AGBL1: variants seen among roughly 807,000 people sequenced by gnomAD.
The protein encoded by AGBL1 is cytosolic carboxypeptidase 4.
Under a neutral mutation model 118.9 loss-of-function variants are expected in AGBL1, and 130 were observed. The observed-to-expected ratio is 1.09, with a 90% CI of 0.95 to 1.26. AGBL1 has a LOEUF of 1.26. AGBL1 is among the 50% of genes most tolerant of loss of function. AGBL1 has a pLI of 0.00. For missense variants in AGBL1, 1,584 were observed against 1,298.1 expected (o/e 1.22, Z -3.38); for synonymous variants, 555 against 478.9 (o/e 1.16, Z -2.08).
intron 22 of AGBL1, among the ~76,000 whole-genome samples, chr15:86,807,038 C>A (rs1250203575): frequency 6.6e-6 from 1 of 152,008 alleles, no homozygotes; most frequent in African/African-American, 2.4e-5. Context: ...GAGGAACATT[C>A]CAAATAATCT....
intron 22 of AGBL1, among the ~76,000 whole-genome samples, chr15:86,735,602 CTGTGTGTGTG>C (rs35147328): frequency 7.0e-5 from 10 of 141,914 alleles, no homozygotes; most frequent in African/African-American, 1.9e-4. Context: ...GAGATACAGA[CTGTGTGTGTG>C]TGTGTGTGTG....
chr15:86,464,811 GC>G (rs1276223868), intron 18 of AGBL1, among the ~76,000 whole-genome samples: 2 of 152,070 alleles, frequency 1.3e-5, no homozygotes, highest in Non-Finnish European at 2.9e-5. Flanking sequence ...TGATGGATAA[GC>G]TTTTTAACAT....
chr15:86,565,391 G>A (rs972506078), intron 21 of AGBL1, among the ~76,000 whole-genome samples: 21 of 152,338 alleles, frequency 1.4e-4, no homozygotes, highest in Admixed American at 3.9e-4. Flanking sequence ...TTTGCTGGAC[G>A]TCCACTCCAG....
chr15:86,279,405 T>C (rs190777225), intron 15 of AGBL1, among the ~76,000 whole-genome samples: 138 of 152,286 alleles, frequency 9.1e-4, no homozygotes, highest in African/African-American at 3.1e-3. Context: ...TACGGCACAA[T>C]TGGGAGGCAG....
intron 16 of AGBL1, among the ~76,000 whole-genome samples, chr15:86,287,421 G>A (rs202028694): frequency 2.6e-5 from 4 of 152,144 alleles, no homozygotes; most frequent in South Asian, 4.1e-4. Flanking sequence ...TTAAGAAATC[G>A]CTTCCCAGAC....
At chr15:86,677,912 T>TA in intron 22 of AGBL1, among the ~76,000 whole-genome samples, 1 of 152,342 alleles carries the variant, frequency 6.6e-6, no homozygotes, top group East Asian at 1.9e-4. Flanking sequence ...AAAGCGCCCC[T>TA]ATCCCTGTCT....
chr15:86,247,253 A>G (rs1000203871), intron 6 of AGBL1, among the ~76,000 whole-genome samples: 5 of 152,170 alleles, frequency 3.3e-5, no homozygotes, highest in Non-Finnish European at 5.9e-5. Flanking sequence ...CTGACTTGTC[A>G]TGTCTTTTTA....
intron 22 of AGBL1, among the ~76,000 whole-genome samples, chr15:86,767,921 T>A (rs1209580570): frequency 6.6e-6 from 1 of 151,966 alleles, no homozygotes; most frequent in African/African-American, 2.4e-5. Context: ...CTCAACCTTT[T>A]TGGATTTTAT....
chr15:86,209,110 A>T lies in AGBL1; in HGVS notation c.489-15804A>T, dbSNP rs184153189. On this transcript the variant is annotated intron_variant, in intron 5 of 22. Coordinates refer to ENST00000614907, the MANE Select transcript of AGBL1 (RefSeq NM_001386094.1). ...TTCAGGAGCAGGTTGTTCAGTTTCCATGGAGTTGTGTGGTTTTGAGTGAGT... is the reference window on the plus strand; with the variant it reads ...TTCAGGAGCAGGTTGTTCAGTTTCCTTGGAGTTGTGTGGTTTTGAGTGAGT... Among the ~76,000 whole-genome samples, 34 of 152,236 alleles carry T rather than the reference A, an allele frequency of 2.2e-4. No homozygotes were observed. The East Asian group carries it at 6.4e-3, about 29-fold the overall frequency.
At chr15:86,525,742 A>T (rs948024196) in intron 19 of AGBL1, among the ~76,000 whole-genome samples, 2 of 152,206 alleles carry the variant, frequency 1.3e-5, no homozygotes, top group African/African-American at 2.4e-5. Flanking sequence ...TAAATCTAAG[A>T]TCTGAGTCTG....
chr15:86,897,731 G>T (rs1245929136), intron 22 of AGBL1, among the ~76,000 whole-genome samples: 2 of 123,968 alleles, frequency 1.6e-5, no homozygotes, highest in Admixed American at 7.8e-5. Context: ...TTTTTTTCTT[G>T]AACTATGATA....
intron 22 of AGBL1, among the ~76,000 whole-genome samples, chr15:86,677,058 T>A (rs1466673037): frequency 2.0e-5 from 3 of 152,022 alleles, no homozygotes; most frequent in African/African-American, 7.2e-5. Context: ...TGGTACTGCA[T>A]CCTCTCCTAG....
At chr15:86,803,469 G>C (rs1208301804) in intron 22 of AGBL1, among the ~76,000 whole-genome samples, 2 of 152,082 alleles carry the variant, frequency 1.3e-5, no homozygotes, top group Non-Finnish European at 2.9e-5. Flanking sequence ...TTTCTTTATA[G>C]CAGTGTGAAA....
chr15:86,933,309 C>T (rs1051520060), intron 23 of AGBL1, among the ~76,000 whole-genome samples: 2 of 152,286 alleles, frequency 1.3e-5, no homozygotes, highest in African/African-American at 2.4e-5. Context: ...ATAATAGTCC[C>T]TCCCTACAAC....
intron 17 of AGBL1, among the ~76,000 whole-genome samples, chr15:86,370,157 A>G (rs969157639): frequency 2.6e-5 from 4 of 152,200 alleles, no homozygotes; most frequent in African/African-American, 9.7e-5. Context: ...ATATAAAAAC[A>G]TATGAGGTGT....
intron 3 of AGBL1, 53 bp from the exon 4 acceptor site, chr15:86,154,377 C>G: frequency 6.3e-7 from 1 of 1,582,572 alleles, no homozygotes; most frequent in Middle Eastern, 1.7e-4. Context: ...ACTCATTGTA[C>G]AATCCAGAAT....
At chr15:87,010,421 C>T (rs540083262) in intron 24 of AGBL1, among the ~76,000 whole-genome samples, 8 of 152,260 alleles carry the variant, frequency 5.3e-5, no homozygotes, top group African/African-American at 1.9e-4. Flanking sequence ...ATGTCTTTAT[C>T]AGCAGGGTGA....
intron 3 of AGBL1, among the ~76,000 whole-genome samples, chr15:86,147,862 A>T (rs559355507): frequency 6.6e-6 from 1 of 152,282 alleles, no homozygotes; most frequent in African/African-American, 2.4e-5. Flanking sequence ...GTAGGGGCCG[A>T]CTGACACCTC....
intron 24 of AGBL1, among the ~76,000 whole-genome samples, chr15:87,009,737 A>G (rs1412734770): frequency 6.6e-6 from 1 of 152,176 alleles, no homozygotes; most frequent in Non-Finnish European, 1.5e-5. Flanking sequence ...CTTGCATCAG[A>G]GTGACCTAGA....
Sources: allele counts gnomAD v4.1 joint callset (sites outside exome capture counted in the v4.1 genomes callset), GRCh38; gene constraint gnomAD v4.1.1; transcripts MANE v1.5; gene names NCBI Gene and HGNC (gene_info 2026-07-23, HGNC 2026-07-21).